Variants in SGK3 observed in about 807,000 individuals in gnomAD.
SGK3 encodes the protein serum/glucocorticoid regulated kinase family member 3.
A neutral mutation model predicts 68.5 loss-of-function variants in SGK3; 47 were observed. That is an observed-to-expected ratio of 0.69 (90% CI 0.54 to 0.87). The LOEUF is 0.87. Among genes scored for constraint, SGK3 ranks in the 40% least tolerant of loss-of-function variants. The pLI is 0.00. For missense variants in SGK3, 479 were observed against 575.5 expected (o/e 0.83, Z 1.72); for synonymous variants, 181 against 189.1 (o/e 0.96, Z 0.35).
intron 7 of SGK3, among the ~76,000 whole-genome samples, chr8:66,829,835 G>A (rs1271075042): frequency 1.3e-5 from 2 of 151,090 alleles, no homozygotes; most frequent in Non-Finnish European, 2.9e-5. Flanking sequence ...GTTGTTCATA[G>A]CATTGAACAA....
At chr8:66,801,349 A>G (rs1807938142) in intron 3 of SGK3, among the ~76,000 whole-genome samples, 1 of 152,136 alleles carries the variant, frequency 6.6e-6, no homozygotes, top group African/African-American at 2.4e-5. Context: ...ATATTGAGAT[A>G]GGTTTTTTTT....
intron 1 of SGK3, among the ~76,000 whole-genome samples, chr8:66,764,521 A>T (rs1806260806): frequency 6.6e-6 from 1 of 151,966 alleles, no homozygotes; most frequent in Non-Finnish European, 1.5e-5. Context: ...CCCAGGCTGG[A>T]GTGTATTGGT....
chr8:66,828,430 C>T (rs1415008543), intron 6 of SGK3, among the ~76,000 whole-genome samples: 1 of 152,084 alleles, frequency 6.6e-6, no homozygotes, highest in Non-Finnish European at 1.5e-5. Flanking sequence ...TACCTTTTTT[C>T]TTACAACAGT....
intron 6 of SGK3, among the ~76,000 whole-genome samples, chr8:66,826,925 G>A (rs1299529321): frequency 2.0e-5 from 3 of 151,932 alleles, no homozygotes; most frequent in East Asian, 1.9e-4. Context: ...GATTACAGCC[G>A]TGAGCCACCA....
In SGK3 at chr8:66,760,484, G is replaced by A. The variant is rs1034029280; in HGVS notation, c.-121-33132G>A. ...TGAGTAGCTGGGACTACAGGTGCCCGCCACCACACCCGGCTAACTTTTTGT... is the reference window on the plus strand; with the variant it reads ...TGAGTAGCTGGGACTACAGGTGCCCACCACCACACCCGGCTAACTTTTTGT... On this transcript the variant is annotated intron_variant, in intron 1 of 16. Coordinates refer to ENST00000521198, the MANE Select transcript of SGK3 (RefSeq NM_001033578.3). Among the ~76,000 whole-genome samples the A allele has an allele frequency of 2.6e-5, 4 of 151,444 alleles. No individual in the cohort carries two copies. In the East Asian group the frequency reaches 5.8e-4, roughly 22 times the overall value.
chr8:66,768,884 T>C (rs552777186), intron 1 of SGK3, among the ~76,000 whole-genome samples: 72 of 152,292 alleles, frequency 4.7e-4, no homozygotes, highest in Admixed American at 1.6e-3. Context: ...CTTGTACTAT[T>C]TCTGATGAGA....
chr8:66,849,825 C>T lies in SGK3; in HGVS notation c.1231-1006C>T, dbSNP rs188029600. Reference sequence around the variant, plus strand: ...AACTCCTGGGTTCAAGTGATCCTCCCACTTCGGACTCCCAAAGTGCTGGGA... The same window carrying T: ...AACTCCTGGGTTCAAGTGATCCTCCTACTTCGGACTCCCAAAGTGCTGGGA... On this transcript the variant is annotated intron_variant, in intron 15 of 16. Transcript: ENST00000521198. 4.6e-3 allele frequency among the ~76,000 whole-genome samples: 705 copies of T among 152,208 alleles called. 11 individuals are homozygous for T. The highest frequency in any genetic ancestry group is 0.016 in the African/African-American group (663 of 41,520).
Position 66,831,287 on chromosome 8 carries a change from T to G in SGK3, c.501T>G (p.Val167=), listed in dbSNP as rs55857008. 1,228 of 1,614,142 alleles carry G rather than the reference T, an allele frequency of 7.6e-4. 25 individuals carry two copies. The South Asian group carries it at 0.012, about 16-fold the overall frequency. Reference sequence around the variant, plus strand: ...CAACTGACTTTGATTTCTTAAAAGTTATTGGAAAAGGCAGCTTTGGCAAGG... The same window carrying G: ...CAACTGACTTTGATTTCTTAAAAGTGATTGGAAAAGGCAGCTTTGGCAAGG... ...AKPTDFDFLK[V]IGKGSFGKVL... is the part of the protein sequence containing the mutation. Residue 167 remains valine (V), a synonymous_variant, in exon 8 of 17, where the codon GTT becomes GTG. Coordinates refer to ENST00000521198, the MANE Select transcript of SGK3 (RefSeq NM_001033578.3).
At position 66,819,126 on chromosome 8, in the gene SGK3, G is replaced by T. The variant is rs370150712; in HGVS notation, c.330-3246G>T. Among the ~76,000 whole-genome samples, 81 of 152,180 alleles carry T rather than the reference G, an allele frequency of 5.3e-4. 4 individuals are homozygous for T. The South Asian group carries it at 0.016, about 30-fold the overall frequency. ...GGTATCTTACTGTTGCTTTAATTTT[G>T]CATTTCACTTATTACTGTAAGCAAT... On this transcript the variant is annotated intron_variant, in intron 5 of 16. Coordinates refer to ENST00000521198, the MANE Select transcript of SGK3 (RefSeq NM_001033578.3).
At chr8:66,816,376 T>C (rs1280836487) in intron 5 of SGK3, among the ~76,000 whole-genome samples, 3 of 141,706 alleles carry the variant, frequency 2.1e-5, no homozygotes, top group Non-Finnish European at 4.6e-5. Flanking sequence ...GACGGAGTCT[T>C]GCTCTGTAGC....
intron 16 of SGK3, among the ~76,000 whole-genome samples, chr8:66,855,795 C>G (rs1026521434): frequency 1.3e-5 from 2 of 152,168 alleles, no homozygotes; most frequent in African/African-American, 2.4e-5. Context: ...AACAGGTTAC[C>G]ATTTTTCACC....
chr8:66,742,646 C>T (rs2130401962), intron 1 of SGK3, among the ~76,000 whole-genome samples: 2 of 152,308 alleles, frequency 1.3e-5, no homozygotes, highest in Middle Eastern at 3.4e-3. Flanking sequence ...GAATTATGGG[C>T]ATGAGCCACC....
At chr8:66,849,566 G>A (rs1810176400) in intron 15 of SGK3, among the ~76,000 whole-genome samples, 1 of 149,166 alleles carries the variant, frequency 6.7e-6, no homozygotes, top group African/African-American at 2.5e-5. Context: ...AATTCTCCCT[G>A]TAGCCAGGGT....
intron 1 of SGK3, among the ~76,000 whole-genome samples, chr8:66,766,481 C>T (rs74483554): frequency 0.015 from 2,220 of 152,204 alleles, 55 homozygotes; most frequent in African/African-American, 0.049. Context: ...GCCGAGATTG[C>T]AACTGCATTT....
chr8:66,850,638 T>C (rs1810242884), intron 15 of SGK3, among the ~76,000 whole-genome samples, 193 bp from the exon 16 acceptor site: 1 of 152,220 alleles, frequency 6.6e-6, no homozygotes, highest in African/African-American at 2.4e-5. Flanking sequence ...AGTAGGTCAT[T>C]CTAAGTAACT....
intron 2 of SGK3, among the ~76,000 whole-genome samples, chr8:66,798,269 A>C (rs1807783103): frequency 6.6e-6 from 1 of 152,140 alleles, no homozygotes; most frequent in South Asian, 2.1e-4. Flanking sequence ...CAGCCCCAGA[A>C]AGTGCTGAGA....
chr8:66,835,216 T>C (rs866129946), intron 8 of SGK3, among the ~76,000 whole-genome samples: 4 of 152,266 alleles, frequency 2.6e-5, no homozygotes, highest in South Asian at 2.1e-4. Context: ...AGGCTGCAAG[T>C]GAGTGAACAT....
At chr8:66,827,074 G>C (rs2130685388) in intron 6 of SGK3, among the ~76,000 whole-genome samples, 1 of 151,974 alleles carries the variant, frequency 6.6e-6, no homozygotes, top group South Asian at 2.1e-4. Context: ...TCTATAATAA[G>C]AAGTTTGATA....
At chr8:66,742,750 T>G (rs1292667947) in intron 1 of SGK3, among the ~76,000 whole-genome samples, 2 of 152,214 alleles carry the variant, frequency 1.3e-5, no homozygotes, top group African/African-American at 4.8e-5. Flanking sequence ...CACTGCAGTT[T>G]GCTGGCATAC....
Sources: gnomAD v4.1 joint callset for allele counts (sites outside exome capture counted in the v4.1 genomes callset) on GRCh38, gnomAD v4.1.1 for gene constraint, MANE v1.5 for transcripts, NCBI Gene and HGNC (gene_info 2026-07-23, HGNC 2026-07-21) for gene names.